ZFAT: variants seen among roughly 807,000 people sequenced by gnomAD.
The protein encoded by ZFAT is zinc finger and AT-hook domain containing.
Under a neutral mutation model 117.7 loss-of-function variants are expected in ZFAT, and 64 were observed. The ratio of observed to expected loss-of-function variants is 0.54; its 90% CI spans 0.44 to 0.67. The LOEUF is 0.67. Ranked by LOEUF, ZFAT falls within the 30% of genes least tolerant of loss-of-function variation. The pLI, the probability that ZFAT is intolerant of heterozygous loss-of-function variation, is 0.00. For missense variants in ZFAT, 1,433 were observed against 1,584.5 expected (o/e 0.90, Z 1.62); for synonymous variants, 679 against 615.0 (o/e 1.10, Z -1.54).
Position 134,611,383 on chromosome 8 carries a change from C to A in ZFAT, c.449-728G>T, listed in dbSNP as rs544702255. 2.6e-5 allele frequency among the ~76,000 whole-genome samples: 4 copies of A among 152,314 alleles called. No homozygotes were observed. In the East Asian group the frequency reaches 7.7e-4, roughly 29 times the overall value. ...CCAATCTAGGGACAGATGGCAGAGC[C>A]TAAGTATAAACCAGTGCCCAAGTAT... On this transcript the variant is annotated intron_variant, in intron 3 of 15. Transcript: ENST00000377838.
In ZFAT at chr8:134,541,607, G is replaced by C. The variant is rs1403968068; in HGVS notation, c.2977-8635C>G. Among the ~76,000 whole-genome samples, 4 of 152,036 alleles carry C rather than the reference G, an allele frequency of 2.6e-5. No individual in the cohort carries two copies. In the East Asian group the frequency reaches 7.7e-4, roughly 29 times the overall value. ...TCATTTACCACAAGTAAAGAGACGA[G>C]GAAAGGAGGAAAGGAAGAAAGAAAA... On this transcript the variant is annotated intron_variant, in intron 11 of 15. Transcript: ENST00000377838.
chr8:134,593,263 C>T (rs1043858441), intron 7 of ZFAT, among the ~76,000 whole-genome samples: 2 of 147,796 alleles, frequency 1.4e-5, no homozygotes, highest in African/African-American at 4.9e-5. Context: ...AGTCAGAAAG[C>T]AATTTATCTC....
intron 7 of ZFAT, among the ~76,000 whole-genome samples, chr8:134,596,348 T>C (rs1200915866): frequency 6.6e-6 from 1 of 152,252 alleles, no homozygotes; most frequent in Admixed American, 6.5e-5. Flanking sequence ...AACCCTGTCC[T>C]GTAACTTCAA....
chr8:134,705,367 G>GTTTTTT (rs34419061), intron 1 of ZFAT, among the ~76,000 whole-genome samples: 2 of 117,420 alleles, frequency 1.7e-5, no homozygotes, highest in Non-Finnish European at 3.5e-5. Flanking sequence ...TGCCCAGCTG[G>GTTTTTT]TTTTTTTTTG....
intron 7 of ZFAT, chr8:134,600,175 T>C (rs1351608541): frequency 1.9e-6 from 1 of 522,348 alleles, no homozygotes; most frequent in Non-Finnish European, 3.4e-6. Flanking sequence ...TAGATATCTC[T>C]TCTGTAGACT....
At chr8:134,500,261 A>C (rs1347241883) in intron 15 of ZFAT, among the ~76,000 whole-genome samples, 3 of 152,242 alleles carry the variant, frequency 2.0e-5, no homozygotes, top group Non-Finnish European at 4.4e-5. Flanking sequence ...AGCAAACAGT[A>C]ATAAACTCAG....
At chr8:134,556,751 G>T (rs370996111) in intron 11 of ZFAT, among the ~76,000 whole-genome samples, 1 of 152,042 alleles carries the variant, frequency 6.6e-6, no homozygotes, top group East Asian at 1.9e-4. Context: ...AAAATCGAGA[G>T]AATTTAATTC....
the ZFAT span, among the ~76,000 whole-genome samples, chr8:134,781,788 G>C: frequency 6.6e-6 from 1 of 152,096 alleles, no homozygotes; most frequent in South Asian, 2.1e-4. Context: ...CAACGTGAAC[G>C]TGAGGAGGAT....
the ZFAT span, among the ~76,000 whole-genome samples, chr8:134,779,853 T>C: frequency 3.9e-5 from 6 of 152,212 alleles, no homozygotes; most frequent in Non-Finnish European, 7.3e-5. Flanking sequence ...GATCGTTTTA[T>C]ACCCGCAACC....
intron 7 of ZFAT, 93 bp from the exon 8 acceptor site, chr8:134,590,448 C>T (rs1252971845): frequency 3.3e-6 from 3 of 915,098 alleles, no homozygotes; most frequent in Non-Finnish European, 3.4e-6. Context: ...TCACCCACCA[C>T]CACCACCACT....
intron 5 of ZFAT, among the ~76,000 whole-genome samples, chr8:134,604,011 C>T (rs748680935): frequency 6.6e-6 from 1 of 152,190 alleles, no homozygotes; most frequent in Non-Finnish European, 1.5e-5. Flanking sequence ...TTTGTTAACA[C>T]CTGCCAATGT....
intron 11 of ZFAT, among the ~76,000 whole-genome samples, chr8:134,544,763 T>A (rs561239456): frequency 6.6e-6 from 1 of 151,936 alleles, no homozygotes; most frequent in East Asian, 1.9e-4. Context: ...AAGATAAAAG[T>A]AAAACCACAT....
chr8:134,687,489 C>T (rs1833379927), intron 1 of ZFAT, among the ~76,000 whole-genome samples: 1 of 152,170 alleles, frequency 6.6e-6, no homozygotes, highest in Non-Finnish European at 1.5e-5. Flanking sequence ...GGAATACATT[C>T]ACATTTAACA....
chr8:134,713,948 T>G (rs995767539), upstream of ZFAT, among the ~76,000 whole-genome samples: 2 of 152,132 alleles, frequency 1.3e-5, no homozygotes, highest in South Asian at 4.1e-4. Flanking sequence ...GTTATTTATT[T>G]CATGAGTAAT....
At chr8:134,755,205 ACCAG>A in the ZFAT span, among the ~76,000 whole-genome samples, 812 of 150,368 alleles carry the variant, frequency 5.4e-3, 9 homozygotes, top group African/African-American at 0.019. Context: ...GGAGTTCAAG[ACCAG>A]CCTGGGCAAC....
At chr8:134,537,904 C>T (rs1423544666) in intron 11 of ZFAT, among the ~76,000 whole-genome samples, 1 of 152,156 alleles carries the variant, frequency 6.6e-6, no homozygotes, top group Admixed American at 6.5e-5. Flanking sequence ...GAATCCCAAG[C>T]TTCCAGTATG....
the ZFAT span, among the ~76,000 whole-genome samples, chr8:134,745,922 G>T: frequency 6.6e-6 from 1 of 152,158 alleles, no homozygotes; most frequent in Admixed American, 6.6e-5. Flanking sequence ...AGTCTGTCTG[G>T]CTCCAAAGCC....
At chr8:134,592,500 ATTTAACCTCT>A (rs1223487724) in intron 7 of ZFAT, among the ~76,000 whole-genome samples, 1 of 152,204 alleles carries the variant, frequency 6.6e-6, no homozygotes, top group Non-Finnish European at 1.5e-5. Context: ...TGCGCAAATG[ATTTAACCTCT>A]CAGTGCCTCC....
Position 134,647,824 on chromosome 8 carries a change from A to C in ZFAT, c.196+9737T>G, listed in dbSNP as rs547828309. ...GTGAAAGATCCGTATACTAAAAACC[A>C]TATCAATGAAAGACATTGAAGACGA... On this transcript the variant is annotated intron_variant, in intron 2 of 15. Coordinates refer to ENST00000377838, the MANE Select transcript of ZFAT (RefSeq NM_020863.4). Among the ~76,000 whole-genome samples the C allele has an allele frequency of 2.0e-5, 3 of 152,312 alleles. No individual in the cohort carries two copies. In the South Asian group the frequency reaches 6.2e-4, roughly 32 times the overall value.
Sources: allele counts gnomAD v4.1 joint callset (sites outside exome capture counted in the v4.1 genomes callset), GRCh38; gene constraint gnomAD v4.1.1; transcripts MANE v1.5; gene names NCBI Gene and HGNC (gene_info 2026-07-23, HGNC 2026-07-21).